Variants in CNBP observed in about 807,000 individuals in gnomAD.
The protein encoded by CNBP is CCHC-type zinc finger nucleic acid binding protein.
A neutral mutation model predicts 21.2 loss-of-function variants in CNBP; 6 were observed. The ratio of observed to expected loss-of-function variants is 0.28; its 90% CI spans 0.16 to 0.56. CNBP has a LOEUF of 0.56. CNBP is among the 20% of genes least tolerant of loss of function. The pLI, the probability that CNBP is intolerant of heterozygous loss-of-function variation, is 0.93. For missense variants in CNBP, 112 were observed against 233.1 expected (o/e 0.48, Z 3.38); for synonymous variants, 61 against 74.9 (o/e 0.81, Z 0.96).
rs1193065618 is a variant in CNBP at position 129,168,889 on chromosome 3, G to C, written c.*1564C>G. 6.6e-6 allele frequency among the ~76,000 whole-genome samples: 1 copy of C among 151,180 alleles called. No homozygotes were observed. The highest frequency in any genetic ancestry group is 1.5e-5 in the Non-Finnish European group (1 of 67,890). ...AGGCGGGCGGATCACGAGGTCAGGA[G>C]ATTGAGACCATCCTGGCTAACACCG... On this transcript the variant is annotated 3_prime_UTR_variant, in exon 5 of 5. Coordinates refer to ENST00000422453, the MANE Select transcript of CNBP (RefSeq NM_003418.5).
chr3:129,177,958 G>C (rs750876673), intron 1 of CNBP, among the ~76,000 whole-genome samples: 3 of 151,932 alleles, frequency 2.0e-5, no homozygotes, highest in Non-Finnish European at 4.4e-5. Flanking sequence ...TCAGGAGTTC[G>C]AGACCAGCTA....
Position 129,168,680 on chromosome 3 carries a change from G to A in CNBP, c.*1773C>T, listed in dbSNP as rs1049535034. ...AATGGTATTAAAACTGTTCAGAATC[G>A]GCCAGACACGGTGGCTCGCACCTGT... is the stretch of plus-strand genomic sequence containing the variant. On this transcript the variant is annotated 3_prime_UTR_variant, in exon 5 of 5. Coordinates refer to ENST00000422453, the MANE Select transcript of CNBP (RefSeq NM_003418.5). Among the ~76,000 whole-genome samples the A allele has an allele frequency of 2.7e-5, 4 of 150,138 alleles. No homozygotes were observed. The highest frequency in any genetic ancestry group is 6.7e-5 in the Admixed American group (1 of 15,032).
rs201011183 is a variant in CNBP, at chr3:129,181,979, TTTGA to T, written c.-15+1793_-15+1796del. ...CTAGGATCCTGGCAGTTTACAGGTG[TTTGA>T]TTATCCTTAACCAGAGTAACTCATT... is the stretch of plus-strand genomic sequence containing the variant. On this transcript the variant is annotated intron_variant, in intron 1 of 4. Coordinates refer to ENST00000422453, the MANE Select transcript of CNBP (RefSeq NM_003418.5). 1.5e-3 allele frequency among the ~76,000 whole-genome samples: 229 copies of T among 152,184 alleles called. 2 individuals carry two copies. The highest frequency in any genetic ancestry group is 0.012 in the East Asian group (63 of 5,182).
chr3:129,172,361 C>T (rs1937588701), intron 1 of CNBP, among the ~76,000 whole-genome samples: 2 of 151,746 alleles, frequency 1.3e-5, no homozygotes, highest in African/African-American at 4.8e-5. Flanking sequence ...GCGGGTGGAC[C>T]ATCTGAGGTC....
In CNBP at chr3:129,168,834, C is replaced by T. The variant is rs1484271827; in HGVS notation, c.*1619G>A. Among the ~76,000 whole-genome samples, 1 of 151,434 alleles carries T rather than the reference C, an allele frequency of 6.6e-6. No homozygotes were observed. Among genetic ancestry groups the T allele is most frequent in the Non-Finnish European group, 1.5e-5 (1 of 67,912 alleles). The stretch of plus-strand genomic sequence containing the variant: ...AAAATAGGCCGGGCGCGGTGGCTCA[C>T]GCCTGTGATCCCAGCACTTTGGGAG... On this transcript the variant is annotated 3_prime_UTR_variant, in exon 5 of 5. Coordinates refer to ENST00000422453, the MANE Select transcript of CNBP (RefSeq NM_003418.5).
chr3:129,170,415 CATCAAT>C lies in CNBP; in HGVS notation c.*32_*37del. On this transcript the variant is annotated 3_prime_UTR_variant, in exon 5 of 5. Coordinates refer to ENST00000422453, the MANE Select transcript of CNBP (RefSeq NM_003418.5). ...GAGGATTCAGAGAAAATAATACAAC[CATCAAT>C]CAGAAAAAGGAGGGGCGACAAAGGA... The C allele has an allele frequency of 1.3e-6, 2 of 1,525,188 alleles. No individual in the cohort carries two copies. Among genetic ancestry groups the C allele is most frequent in the Non-Finnish European group, 1.8e-6 (2 of 1,099,004 alleles). The allele number at this position is 1,525,188 out of a possible 1,614,324, so 94.5% of individuals were successfully genotyped here.
intron 1 of CNBP, among the ~76,000 whole-genome samples, chr3:129,178,123 C>A (rs934685452): frequency 3.7e-5 from 5 of 136,378 alleles, no homozygotes; most frequent in African/African-American, 5.4e-5. Context: ...CGCACCACTG[C>A]ACTCCAGCCT....
intron 1 of CNBP, among the ~76,000 whole-genome samples, chr3:129,182,954 GTTT>G: frequency 6.6e-6 from 1 of 151,712 alleles, no homozygotes; most frequent in Non-Finnish European, 1.5e-5. Flanking sequence ...TTGTTTGTTT[GTTT>G]GTTTGTTTTT....
chr3:129,172,772 A>C (rs530380902), intron 1 of CNBP, among the ~76,000 whole-genome samples: 9 of 151,888 alleles, frequency 5.9e-5, no homozygotes, highest in Non-Finnish European at 8.8e-5. Flanking sequence ...AGTCCAACTT[A>C]ATGGACACAT....
chr3:129,174,959 C>T (rs545287368), intron 1 of CNBP, among the ~76,000 whole-genome samples: 1 of 151,944 alleles, frequency 6.6e-6, no homozygotes, highest in Admixed American at 6.6e-5. Flanking sequence ...CACTTTGGGA[C>T]GCCAAGGCAG....
At chr3:129,182,091 A>G (rs1188882703) in intron 1 of CNBP, among the ~76,000 whole-genome samples, 1 of 151,864 alleles carries the variant, frequency 6.6e-6, no homozygotes, top group Non-Finnish European at 1.5e-5. Flanking sequence ...TGAAACCCTC[A>G]AAGCTCTACA....
rs904945058 is a variant in CNBP, at chr3:129,167,968, T to C, written c.*2485A>G. On this transcript the variant is annotated 3_prime_UTR_variant, in exon 5 of 5. Transcript: ENST00000422453. ...CCTCTTTTTCTTGCTTGCTCAGGAC[T>C]ATTAATTTGACAAGGTTGGAATGTG... Among the ~76,000 whole-genome samples, 8 of 152,206 alleles carry C rather than the reference T, an allele frequency of 5.3e-5. No individual in the cohort carries two copies. Among genetic ancestry groups the C allele is most frequent in the Admixed American group, 2.6e-4 (4 of 15,280 alleles).
chr3:129,172,640 GCAGGCAGGCAGGCAGGCAGACAGA>G (rs1463556524), intron 1 of CNBP, among the ~76,000 whole-genome samples: 5 of 34,358 alleles, frequency 1.5e-4, no homozygotes, highest in Non-Finnish European at 2.7e-4. Flanking sequence ...AGGCAGGCAG[GCAGGCAGGCAGGCAGGCAGACAGA>G]CAGACAGACA....
rs1238987839 is a variant in CNBP, at chr3:129,169,301, A to G, written c.*1152T>C. Among the ~76,000 whole-genome samples, 2 of 151,984 alleles carry G rather than the reference A, an allele frequency of 1.3e-5. No individual in the cohort carries two copies. The highest frequency in any genetic ancestry group is 4.8e-5 in the African/African-American group (2 of 41,386). ...GACTCCGTCTCCAAAACAAAACAAA[A>G]CCACCACCACCAAAAAACCTGTTCA... On this transcript the variant is annotated 3_prime_UTR_variant, in exon 5 of 5. Coordinates refer to ENST00000422453, the MANE Select transcript of CNBP (RefSeq NM_003418.5).
At position 129,171,723 on chromosome 3, in the gene CNBP, G is replaced by A. The variant is rs1424444582; in HGVS notation, c.35C>T (p.Ser12Phe). Residue 12 changes from serine (S) to phenylalanine (F), a missense_variant, in exon 2 of 5, where the codon TCT becomes TTT. Coordinates refer to ENST00000422453, the MANE Select transcript of CNBP (RefSeq NM_003418.5). ...AGGACATTCCCGGGCCCAGTGGCCA[G>A]ATCGTCCACACTTGAAGCACTCATT... ...SSNECFKCGR[S>F]GHWARECPTG... The A allele has an allele frequency of 1.9e-6, 3 of 1,614,110 alleles. No homozygotes were observed. Among genetic ancestry groups the A allele is most frequent in the Admixed American group, 1.7e-5 (1 of 60,014 alleles).
chr3:129,178,158 C>CA (rs368723690), intron 1 of CNBP, among the ~76,000 whole-genome samples: 87,999 of 103,862 alleles, frequency 0.85, 38,431 homozygotes, highest in Non-Finnish European at 0.95. Context: ...GACTCTGTCT[C>CA]AAAAAAAAAA....
At chr3:129,180,561 T>C (rs1180070825) in intron 1 of CNBP, among the ~76,000 whole-genome samples, 1 of 152,214 alleles carries the variant, frequency 6.6e-6, no homozygotes, top group African/African-American at 2.4e-5. Context: ...GTTTTAAACA[T>C]GAAAATGCTG....
chr3:129,179,797 C>T (rs1343615488), intron 1 of CNBP, among the ~76,000 whole-genome samples: 1 of 152,090 alleles, frequency 6.6e-6, no homozygotes. Flanking sequence ...ATGCCATTTG[C>T]ACTCCAGTGT....
rs9985435 is a variant in CNBP, at chr3:129,172,660, A to C, written c.-14-889T>G. Among the ~76,000 whole-genome samples, 27 of 113,740 alleles carry C rather than the reference A, an allele frequency of 2.4e-4. 1 individual carries two copies. The South Asian group carries it at 2.7e-3, about 11-fold the overall frequency. The allele number at this position is 113,740 out of a possible 152,430, so 74.6% of individuals were successfully genotyped here. On this transcript the variant is annotated intron_variant, in intron 1 of 4. Coordinates refer to ENST00000422453, the MANE Select transcript of CNBP (RefSeq NM_003418.5). The stretch of plus-strand genomic sequence containing the variant: ...GGCAGGCAGGCAGGCAGGCAGGCAG[A>C]CAGACAGACAGACAGACAGACAGAC...
Sources: allele counts gnomAD v4.1 joint callset (sites outside exome capture counted in the v4.1 genomes callset), GRCh38; gene constraint gnomAD v4.1.1; transcripts MANE v1.5; gene names NCBI Gene and HGNC (gene_info 2026-07-23, HGNC 2026-07-21).